Variants in ELOVL6 observed in about 807,000 individuals in gnomAD.
ELOVL6 encodes ELOVL fatty acid elongase 6.
In ELOVL6, 8 loss-of-function variants were observed where a neutral mutation model predicts 31.7. The ratio of observed to expected loss-of-function variants is 0.25; its 90% confidence interval spans 0.15 to 0.45. The LOEUF (loss-of-function observed/expected upper bound fraction) is 0.45, where lower values mean the gene tolerates loss of function less well. Among genes scored for constraint, ELOVL6 ranks in the 20% least tolerant of loss-of-function variants. ELOVL6 has a pLI of 1.00. For missense variants in ELOVL6, 126 were observed against 326.4 expected (o/e 0.39, Z 4.73); for synonymous variants, 101 against 117.7 (o/e 0.86, Z 0.92).
At chr4:110,098,197 C>CA (rs35820307) in intron 2 of ELOVL6, among the ~76,000 whole-genome samples, 11,885 of 151,128 alleles carry the variant, frequency 0.079, 627 homozygotes, top group East Asian at 0.18. Context: ...GGGATACCGT[C>CA]AAAAAAAAGG....
chr4:110,134,251 A>G (rs1757748154), intron 1 of ELOVL6, among the ~76,000 whole-genome samples: 1 of 152,182 alleles, frequency 6.6e-6, no homozygotes, highest in Non-Finnish European at 1.5e-5. Flanking sequence ...TGAAGTGACG[A>G]GAGAACATAT....
At chr4:110,162,486 A>G (rs1758657659) in intron 1 of ELOVL6, among the ~76,000 whole-genome samples, 1 of 152,184 alleles carries the variant, frequency 6.6e-6, no homozygotes, top group African/African-American at 2.4e-5. Context: ...TGTTGAGACT[A>G]CAGGCACATG....
intron 1 of ELOVL6, chr4:110,197,855 C>T: frequency 1.2e-5 from 3 of 243,734 alleles, no homozygotes; most frequent in East Asian, 1.3e-4. Context: ...ACTCCGGTTG[C>T]GGGAGAGGCC....
chr4:110,102,167 CT>C (rs953898999), intron 2 of ELOVL6, among the ~76,000 whole-genome samples: 2 of 152,160 alleles, frequency 1.3e-5, no homozygotes, highest in African/African-American at 4.8e-5. Flanking sequence ...TTAAGATCCA[CT>C]TTTTAAAACC....
chr4:110,158,753 C>T (rs552496814), intron 1 of ELOVL6, among the ~76,000 whole-genome samples: 1 of 149,086 alleles, frequency 6.7e-6, no homozygotes, highest in African/African-American at 2.5e-5. Context: ...CTTCACCTCC[C>T]AAGTTCAAGG....
At chr4:110,164,821 G>T (rs1440877224) in intron 1 of ELOVL6, among the ~76,000 whole-genome samples, 1 of 150,758 alleles carries the variant, frequency 6.6e-6, no homozygotes, top group East Asian at 1.9e-4. Context: ...TATTTCTGAT[G>T]AAAGAATTTC....
intron 2 of ELOVL6, among the ~76,000 whole-genome samples, chr4:110,075,163 T>C (rs1035191697): frequency 1.3e-5 from 2 of 152,162 alleles, no homozygotes; most frequent in Non-Finnish European, 2.9e-5. Flanking sequence ...CCATGTGCAC[T>C]GTTGGAGGGA....
intron 1 of ELOVL6, among the ~76,000 whole-genome samples, chr4:110,111,738 G>C (rs971661938): frequency 6.6e-6 from 1 of 152,184 alleles, no homozygotes; most frequent in Non-Finnish European, 1.5e-5. Context: ...GATGGGCAAA[G>C]GGCAAGTAGC....
At chr4:110,070,933 G>C (rs1490946011) in intron 2 of ELOVL6, among the ~76,000 whole-genome samples, 1 of 152,038 alleles carries the variant, frequency 6.6e-6, no homozygotes, top group Non-Finnish European at 1.5e-5. Flanking sequence ...ATGTAAGAAG[G>C]GACGAATAAA....
intron 1 of ELOVL6, among the ~76,000 whole-genome samples, chr4:110,182,401 T>A (rs1278618319): frequency 6.6e-6 from 1 of 152,222 alleles, no homozygotes; most frequent in African/African-American, 2.4e-5. Context: ...TATGTTTAAT[T>A]GTATTGCTAA....
chr4:110,144,056 A>G (rs1328819505), intron 1 of ELOVL6, among the ~76,000 whole-genome samples: 8 of 19,338 alleles, frequency 4.1e-4, no homozygotes, highest in Non-Finnish European at 8.4e-4. Context: ...CTCCATCTCA[A>G]AAAAAAAAAA....
chr4:110,114,652 A>G (rs1417599232), intron 1 of ELOVL6, among the ~76,000 whole-genome samples: 1 of 152,176 alleles, frequency 6.6e-6, no homozygotes, highest in Non-Finnish European at 1.5e-5. Context: ...GGCTACACTT[A>G]GAGTTGAATA....
intron 1 of ELOVL6, among the ~76,000 whole-genome samples, chr4:110,185,375 G>A (rs566299527): frequency 9.8e-4 from 149 of 152,236 alleles, no homozygotes; most frequent in Admixed American, 2.7e-3. Context: ...AGTTGCAGCC[G>A]TTTTAGCAGA....
At chr4:110,114,074 G>A (rs985582104) in intron 1 of ELOVL6, among the ~76,000 whole-genome samples, 2 of 152,046 alleles carry the variant, frequency 1.3e-5, no homozygotes, top group Admixed American at 6.6e-5. Flanking sequence ...AACATAACAA[G>A]ACTCCATCCC....
intron 1 of ELOVL6, among the ~76,000 whole-genome samples, chr4:110,167,503 CAG>C (rs928703145): frequency 6.6e-6 from 1 of 151,648 alleles, no homozygotes; most frequent in Non-Finnish European, 1.5e-5. Context: ...TTTTTGGTTG[CAG>C]AGAGGGGAGT....
intron 2 of ELOVL6, among the ~76,000 whole-genome samples, chr4:110,100,490 GTT>G (rs140873672): frequency 6.6e-6 from 1 of 151,030 alleles, no homozygotes; most frequent in African/African-American, 2.4e-5. Context: ...TCTTTTGTTT[GTT>G]TTTTTTTAAG....
intron 1 of ELOVL6, among the ~76,000 whole-genome samples, chr4:110,132,103 C>T (rs147914121): frequency 1.3e-5 from 2 of 152,108 alleles, no homozygotes; most frequent in Non-Finnish European, 2.9e-5. Context: ...AAGCTTGTAT[C>T]TTGAATGACT....
At chr4:110,186,422 T>C (rs375552747) in intron 1 of ELOVL6, among the ~76,000 whole-genome samples, 2 of 152,168 alleles carry the variant, frequency 1.3e-5, no homozygotes, top group African/African-American at 2.4e-5. Flanking sequence ...TGTGATAGTC[T>C]TTCTTTTGTC....
rs1553963193 is a variant in ELOVL6, at chr4:110,186,822, A to AAATAT, written c.89+11424_89+11425insATATT. Among the ~76,000 whole-genome samples the AAATAT allele has an allele frequency of 9.8e-3, 583 of 59,424 alleles. 3 individuals are homozygous for AAATAT. Among genetic ancestry groups the AAATAT allele is most frequent in the African/African-American group, 0.016 (245 of 14,950 alleles). The allele number at this position is 59,424 out of a possible 152,430, so 39.0% of individuals were successfully genotyped here. On this transcript the variant is annotated intron_variant, in intron 1 of 3. Transcript: ENST00000302274. Reference sequence around the variant, plus strand: ...CTGTCTCAAAAAAAAAAAAAAAAAAAATATATATATATATATATATATTTA... The same window carrying AAATAT: ...CTGTCTCAAAAAAAAAAAAAAAAAAAAATATATATATATATATATATATATATTTA...
Sources: allele counts gnomAD v4.1 joint callset (sites outside exome capture counted in the v4.1 genomes callset), GRCh38; gene constraint gnomAD v4.1.1; transcripts MANE v1.5; gene names NCBI Gene and HGNC (gene_info 2026-07-23, HGNC 2026-07-21).